The following ERBB4 variants were observed in gnomAD, a reference collection of about 807,000 sequenced individuals.
The protein encoded by ERBB4 is receptor tyrosine-protein kinase erbB-4.
Under a neutral mutation model 158.0 loss-of-function variants are expected in ERBB4, and 42 were observed. The ratio of observed to expected loss-of-function variants is 0.27; its 90% CI spans 0.21 to 0.34. ERBB4 has a LOEUF of 0.34. Ranked by LOEUF, ERBB4 falls within the 10% of genes least tolerant of loss-of-function variation. The pLI is 1.00. For synonymous variants in ERBB4, 583 were observed against 558.7 expected (o/e 1.04, Z -0.61); for missense variants, 1,333 against 1,624.1 (o/e 0.82, Z 3.08).
intron 1 of ERBB4, among the ~76,000 whole-genome samples, chr2:212,423,801 T>C (rs1203927845): frequency 6.6e-6 from 1 of 152,180 alleles, no homozygotes; most frequent in African/African-American, 2.4e-5. Context: ...GAACCCTTCA[T>C]TAAGGTATAC....
chr2:212,371,728 A>T (rs1291289885), intron 1 of ERBB4, among the ~76,000 whole-genome samples: 1 of 152,106 alleles, frequency 6.6e-6, no homozygotes, highest in African/African-American at 2.4e-5. Context: ...CAATTCCCAT[A>T]CTATAGATGA....
intron 20 of ERBB4, among the ~76,000 whole-genome samples, chr2:211,487,962 G>A (rs779354623): frequency 2.0e-5 from 3 of 151,964 alleles, no homozygotes; most frequent in African/African-American, 4.8e-5. Context: ...TTCAGTAATC[G>A]CTATACATGA....
At chr2:212,214,055 T>G (rs1199606428) in intron 1 of ERBB4, among the ~76,000 whole-genome samples, 1 of 151,884 alleles carries the variant, frequency 6.6e-6, no homozygotes, top group East Asian at 1.9e-4. Context: ...CATGCTGACC[T>G]TTAATTCCTG....
rs773165657 is a variant in ERBB4, at chr2:211,386,991, C to T, written c.3343G>A (p.Val1115Met). 15 of 1,614,146 alleles carry T rather than the reference C, an allele frequency of 9.3e-6. No homozygotes were observed. Among genetic ancestry groups the T allele is most frequent in the Non-Finnish European group, 1.2e-5 (14 of 1,180,038 alleles). The change falls in exon 27 of 28, where the codon GTG becomes ATG. Residue 1115 changes from valine to methionine, a missense_variant. This residue lies in a region of ERBB4 where 252 missense variants were observed against 241.3 expected (regional missense o/e 1.04). Coordinates refer to ENST00000342788, the MANE Select transcript of ERBB4 (RefSeq NM_005235.3). ...SCCNGTLRKP[V>M]APHVQEDSST... ...CTGTCCTCTTGGACATGGGGTGCCA[C>T]TGGCTTGCGTAGGGTGCCATTACAG...
At chr2:212,130,215 T>C (rs996051743) in intron 1 of ERBB4, among the ~76,000 whole-genome samples, 10 of 152,084 alleles carry the variant, frequency 6.6e-5, no homozygotes, top group African/African-American at 2.4e-4. Flanking sequence ...AAGCCTACAA[T>C]AGTTCAAGCA....
rs144517737 is a variant in ERBB4 at position 212,161,710 on chromosome 2, A to T, written c.83-36807T>A. 6.6e-3 allele frequency among the ~76,000 whole-genome samples: 1,003 copies of T among 152,008 alleles called. 6 individuals are homozygous for T. Among genetic ancestry groups the T allele is most frequent in the Middle Eastern group, 0.024 (7 of 294 alleles). The stretch of plus-strand genomic sequence containing the variant: ...ATAAGGAAAGTGCTTATTATTTACC[A>T]TCTGGCAGTACACTAGTCCTTTGAG... On this transcript the variant is annotated intron_variant, in intron 1 of 27. Transcript: ENST00000342788.
intron 1 of ERBB4, among the ~76,000 whole-genome samples, chr2:212,202,639 C>T (rs1175916114): frequency 1.3e-5 from 2 of 152,068 alleles, no homozygotes; most frequent in African/African-American, 4.8e-5. Context: ...CCACACATAG[C>T]CCAAAATATT....
Position 211,959,949 on chromosome 2 carries a change from T to C in ERBB4, c.235-12333A>G, listed in dbSNP as rs180980398. On this transcript the variant is annotated intron_variant, in intron 2 of 27. Coordinates refer to ENST00000342788, the MANE Select transcript of ERBB4 (RefSeq NM_005235.3). ...TAAGATTCTGAATATTAGAAAGTAA[T>C]GAAGACCATAATGGGGGTATCGACA... Among the ~76,000 whole-genome samples, 185 of 151,972 alleles carry C rather than the reference T, an allele frequency of 1.2e-3. 2 individuals carry two copies. The highest frequency in any genetic ancestry group is 4.3e-3 in the African/African-American group (180 of 41,514).
intron 5 of ERBB4, among the ~76,000 whole-genome samples, chr2:211,731,179 G>A (rs553902209): frequency 3.3e-5 from 5 of 152,244 alleles, no homozygotes; most frequent in African/African-American, 1.2e-4. Flanking sequence ...CCCAGCAGCT[G>A]TCTGAGTGAA....
At chr2:211,741,107 A>G (rs1354177568) in intron 5 of ERBB4, among the ~76,000 whole-genome samples, 8 of 152,272 alleles carry the variant, frequency 5.3e-5, no homozygotes, top group Middle Eastern at 3.4e-3. Context: ...CCAAAATAGT[A>G]TGGCTGTCCT....
chr2:211,750,550 G>T, intron 5 of ERBB4, 89 bp downstream of exon 5: 2 of 1,142,322 alleles, frequency 1.8e-6, no homozygotes, highest in Non-Finnish European at 2.7e-6. Context: ...CTCATTTCAT[G>T]TTTTAGATGA....
intron 2 of ERBB4, among the ~76,000 whole-genome samples, chr2:212,112,121 C>T (rs2079429131): frequency 6.6e-6 from 1 of 152,106 alleles, no homozygotes; most frequent in African/African-American, 2.4e-5. Context: ...AACTCCTGGG[C>T]TCAAATGATC....
At chr2:211,661,569 A>G (rs866703605) in intron 15 of ERBB4, among the ~76,000 whole-genome samples, 4 of 152,288 alleles carry the variant, frequency 2.6e-5, no homozygotes, top group Middle Eastern at 6.8e-3. Context: ...TAACCAACAT[A>G]GTTTAGATAT....
chr2:211,511,398 CAGAT>C (rs2065882180), intron 20 of ERBB4, among the ~76,000 whole-genome samples: 1 of 151,850 alleles, frequency 6.6e-6, no homozygotes, highest in South Asian at 2.1e-4. Context: ...TAAATACAGA[CAGAT>C]ATATTACACA....
chr2:211,752,976 A>G (rs2075178135), intron 4 of ERBB4, among the ~76,000 whole-genome samples: 1 of 152,202 alleles, frequency 6.6e-6, no homozygotes, highest in African/African-American at 2.4e-5. Context: ...ATCGCTGTTC[A>G]GCCAAGACTA....
At chr2:211,440,937 C>T (rs1313414504) in intron 20 of ERBB4, among the ~76,000 whole-genome samples, 3 of 152,172 alleles carry the variant, frequency 2.0e-5, no homozygotes, top group African/African-American at 7.2e-5. Flanking sequence ...CTTGGCCCCA[C>T]TATGCAAATA....
intron 1 of ERBB4, among the ~76,000 whole-genome samples, chr2:212,483,196 T>G (rs1042009933): frequency 1.3e-5 from 2 of 152,212 alleles, no homozygotes; most frequent in African/African-American, 4.8e-5. Flanking sequence ...CCTGTCTTCC[T>G]GTGAAATTCA....
chr2:211,394,261 A>C (rs1428059153), intron 25 of ERBB4, among the ~76,000 whole-genome samples: 1 of 152,188 alleles, frequency 6.6e-6, no homozygotes, highest in Non-Finnish European at 1.5e-5. Flanking sequence ...TAATGCCAAC[A>C]TTGCTTAGCT....
At chr2:211,751,372 C>T (rs781576291) in intron 4 of ERBB4, among the ~76,000 whole-genome samples, 2 of 152,000 alleles carry the variant, frequency 1.3e-5, no homozygotes, top group Non-Finnish European at 2.9e-5. Context: ...AAATTCCCAT[C>T]GGGACTGAAA....
Sources: gnomAD v4.1 joint callset for allele counts (sites outside exome capture counted in the v4.1 genomes callset) on GRCh38, gnomAD v4.1.1 for gene constraint, gnomAD v4.1.1 regional missense constraint, MANE v1.5 for transcripts, NCBI Gene and HGNC (gene_info 2026-07-23, HGNC 2026-07-21) for gene names.